Variants in SH2B3 observed in about 807,000 individuals in gnomAD.
The protein encoded by SH2B3 is SH2B adaptor protein 3.
Under a neutral mutation model 51.9 loss-of-function variants are expected in SH2B3, and 43 were observed. The ratio of observed to expected loss-of-function variants is 0.83; its 90% CI spans 0.65 to 1.07. The LOEUF (loss-of-function observed/expected upper bound fraction) is 1.07, where lower values mean the gene tolerates loss of function less well. SH2B3 is among the 50% of genes least tolerant of loss of function. The pLI is 0.00. For missense variants in SH2B3, 952 were observed against 834.3 expected (o/e 1.14, Z -1.74); for synonymous variants, 396 against 376.0 (o/e 1.05, Z -0.62).
intron 2 of SH2B3, among the ~76,000 whole-genome samples, chr12:111,441,300 C>T (rs773868137): frequency 1.3e-5 from 2 of 151,052 alleles, no homozygotes; most frequent in Non-Finnish European, 3.0e-5. Context: ...CTCACTTGAG[C>T]CCCCAGGAGT....
At position 111,429,494 on chromosome 12, in the gene SH2B3, G is replaced by A. The variant is rs1002088724; in HGVS notation, c.732+10617G>A. 6.6e-6 allele frequency among the ~76,000 whole-genome samples: 1 copy of A among 152,084 alleles called. No homozygotes were observed. The highest frequency in any genetic ancestry group is 1.5e-5 in the Non-Finnish European group (1 of 68,016). On this transcript the variant is annotated intron_variant, in intron 2 of 7. Coordinates refer to ENST00000341259, the MANE Select transcript of SH2B3 (RefSeq NM_005475.3). This position sits in a 1 kb window ranked among gnomAD's most constrained non-coding sequence, Gnocchi z 4.4. ...TTACAGGCGCCCACCACCACACTCC[G>A]CTAATTTTTCTGTATTATTAGTAGA...
In SH2B3 at chr12:111,418,639, C is replaced by T. The variant is rs7963692; in HGVS notation, c.494C>T (p.Thr165Ile). ...PAAHTAAAPG[T>I]PGEAAETPAR... The stretch of plus-strand genomic sequence containing the variant: ...GCCCACACCGCTGCCGCCCCCGGGA[C>T]CCCCGGAGAGGCTGCTGAGACCCCC... The change falls in exon 2 of 8, where the codon ACC becomes ATC. Residue 165 changes from threonine to isoleucine, a missense_variant. Coordinates refer to ENST00000341259, the MANE Select transcript of SH2B3 (RefSeq NM_005475.3). The surrounding 1 kb of genome is among the most constrained non-coding windows in gnomAD (Gnocchi z 6.7). 6.8e-7 allele frequency: 1 copy of T among 1,475,220 alleles called. No individual in the cohort carries two copies. The highest frequency in any genetic ancestry group is 1.3e-5 in the South Asian group (1 of 77,310). 91.4% of individuals were successfully genotyped at this position (1,475,220 alleles called of 1,614,324 possible).
In SH2B3 at chr12:111,447,132, A is replaced by G; in HGVS notation, c.934A>G (p.Ser312Gly). Residue 312 changes from serine to glycine, a missense_variant, in exon 5 of 8, where the codon AGC (serine) becomes GGC (glycine). Transcript: ENST00000341259. ...LSECTGRGLE[S>G]TEAEMHIPSA... ...CAGCCTCTTCTCCAGCAGGCTGGAG[A>G]GCACAGAAGCAGAGATGCATATTCC... 1 of 1,613,638 alleles carries G rather than the reference A, an allele frequency of 6.2e-7. No individual in the cohort carries two copies. The highest frequency in any genetic ancestry group is 8.5e-7 in the Non-Finnish European group (1 of 1,179,656).
At chr12:111,428,974 G>A (rs1040890097) in intron 2 of SH2B3, among the ~76,000 whole-genome samples, 2 of 151,628 alleles carry the variant, frequency 1.3e-5, no homozygotes, top group Non-Finnish European at 2.9e-5. Context: ...AGAAAGGGAC[G>A]TCCGCCGGAG....
chr12:111,419,563 G>A (rs774051330), intron 2 of SH2B3, among the ~76,000 whole-genome samples: 1 of 152,064 alleles, frequency 6.6e-6, no homozygotes, highest in Non-Finnish European at 1.5e-5. Context: ...ACTTGAACCT[G>A]GGAGGGAAAG....
Position 111,447,016 on chromosome 12 carries a change from G to C in SH2B3, c.909G>C (p.Ser303=). The change falls in exon 4 of 8, where the codon TCG becomes TCC. Residue 303 remains serine, a synonymous_variant. Coordinates refer to ENST00000341259, the MANE Select transcript of SH2B3 (RefSeq NM_005475.3). The part of the protein sequence containing the change: ...QQLNSWMAEL[S]ECTGRGLEST... The stretch of plus-strand genomic sequence containing the variant: ...TGAATTCATGGATGGCTGAGCTCTC[G>C]GAGTGCACAGGCCGAGGGTGAGGTC... The C allele has an allele frequency of 1.2e-6, 2 of 1,613,926 alleles. No homozygotes were observed. Among genetic ancestry groups the C allele is most frequent in the East Asian group, 2.2e-5 (1 of 44,862 alleles).
chr12:111,432,162 G>A lies in SH2B3; in HGVS notation c.732+13285G>A, dbSNP rs547978024. 4.9e-5 allele frequency among the ~76,000 whole-genome samples: 7 copies of A among 144,038 alleles called. No homozygotes were observed. The East Asian group carries it at 6.0e-4, about 12-fold the overall frequency. The allele number at this position is 144,038 out of a possible 152,430, so 94.5% of individuals were successfully genotyped here. A position where few individuals can be genotyped will look rare whatever the true frequency, so the allele number is the denominator to read the frequency against. On this transcript the variant is annotated intron_variant, in intron 2 of 7. Coordinates refer to ENST00000341259, the MANE Select transcript of SH2B3 (RefSeq NM_005475.3). The stretch of plus-strand genomic sequence containing the variant: ...CACCTCCTAGGTTCAAGCGATTCTC[G>A]TGCCTCAGGCTCCCGAGTAGCCAGG...
At chr12:111,413,457 C>G (rs1191588515) in intron 1 of SH2B3, among the ~76,000 whole-genome samples, 1 of 152,156 alleles carries the variant, frequency 6.6e-6, no homozygotes, top group Admixed American at 6.5e-5. Context: ...TGCCATTGTT[C>G]TTATGGGAGG....
In SH2B3 at chr12:111,449,427, A is replaced by G. The variant is rs1183200521; in HGVS notation, c.*1125A>G. On this transcript the variant is annotated 3_prime_UTR_variant, in exon 8 of 8. Transcript: ENST00000341259. ...AATCTGGTGCCATAACTAATGAGAA[A>G]CTCCTTTAATAGCCCACAATCAGTG... The G allele has an allele frequency of 1.3e-5, 2 of 151,660 alleles. No homozygotes were observed. Among genetic ancestry groups the G allele is most frequent in the African/African-American group, 4.8e-5 (2 of 41,244 alleles). The allele number at this position is 151,660 out of a possible 1,614,324, so 9.4% of individuals were successfully genotyped here. A position where few individuals can be genotyped will look rare whatever the true frequency, so the allele number is the denominator to read the frequency against.
intron 2 of SH2B3, chr12:111,444,993 G>A (rs981171068): frequency 4.2e-6 from 2 of 476,672 alleles, no homozygotes; most frequent in Non-Finnish European, 5.5e-6. Context: ...CAGCAGGCAG[G>A]TGGCAGCCAG....
chr12:111,439,688 A>C (rs1873227323), intron 2 of SH2B3, among the ~76,000 whole-genome samples: 1 of 152,182 alleles, frequency 6.6e-6, no homozygotes, highest in South Asian at 2.1e-4. Flanking sequence ...AGCCTCCTGT[A>C]GCTGCAGGGG....
intron 2 of SH2B3, among the ~76,000 whole-genome samples, chr12:111,430,641 G>C (rs1872398560): frequency 6.6e-6 from 1 of 152,182 alleles, no homozygotes; most frequent in African/African-American, 2.4e-5. Context: ...AGATGGACAG[G>C]GTCAGGTTCA....
In SH2B3 at chr12:111,435,927, C is replaced by T. The variant is rs1353002740; in HGVS notation, c.733-10826C>T. 6.6e-6 allele frequency among the ~76,000 whole-genome samples: 1 copy of T among 152,172 alleles called. No homozygotes were observed. The highest frequency in any genetic ancestry group is 1.5e-5 in the Non-Finnish European group (1 of 68,014). ...GCGTGGGCTGACGGCAGCTGGCATG[C>T]AGCAGGGGAGGTGTGCTGGGACCAG... On this transcript the variant is annotated intron_variant, in intron 2 of 7. Coordinates refer to ENST00000341259, the MANE Select transcript of SH2B3 (RefSeq NM_005475.3). The surrounding 1 kb of genome is among the most constrained non-coding windows in gnomAD (Gnocchi z 4.8).
intron 2 of SH2B3, among the ~76,000 whole-genome samples, chr12:111,433,253 A>G (rs1302420301): frequency 6.6e-6 from 1 of 152,164 alleles, no homozygotes; most frequent in Non-Finnish European, 1.5e-5. Flanking sequence ...CAGGAGGCTG[A>G]GGCAGAAGAA....
intron 2 of SH2B3, among the ~76,000 whole-genome samples, chr12:111,431,694 C>T (rs1872507258): frequency 6.6e-6 from 1 of 152,132 alleles, no homozygotes; most frequent in South Asian, 2.1e-4. Flanking sequence ...GTGATCTTCC[C>T]ACCTTAGCCT....
chr12:111,436,171 C>T (rs746648563), intron 2 of SH2B3, among the ~76,000 whole-genome samples: 9 of 152,106 alleles, frequency 5.9e-5, no homozygotes, highest in Non-Finnish European at 1.3e-4. Context: ...GAGAGCCCAG[C>T]GGTTTGGCCA....
chr12:111,444,612 T>C (rs899461933), intron 2 of SH2B3: 8 of 319,910 alleles, frequency 2.5e-5, no homozygotes, highest in African/African-American at 1.5e-4. Flanking sequence ...ATAGCGGGCA[T>C]GTGAGAGGAG....
At chr12:111,426,617 T>G (rs1055222935) in intron 2 of SH2B3, among the ~76,000 whole-genome samples, 1 of 152,154 alleles carries the variant, frequency 6.6e-6, no homozygotes, top group Non-Finnish European at 1.5e-5. Flanking sequence ...TGAGGGCCCC[T>G]TCTGAGCCCT....
In SH2B3 at chr12:111,410,055, C is replaced by T. The variant is rs575071206; in HGVS notation, c.-28+3778C>T. ...GGGGCCCACCCGGATGTGGCTACCC[C>T]CCGGCTGGCCAGTGGGGAGCCGGCT... On this transcript the variant is annotated intron_variant, in intron 1 of 7. Transcript: ENST00000341259. The surrounding 1 kb of genome is among the most constrained non-coding windows in gnomAD (Gnocchi z 4.9). Among the ~76,000 whole-genome samples, 11 of 152,206 alleles carry T rather than the reference C, an allele frequency of 7.2e-5. No individual in the cohort carries two copies. The highest frequency in any genetic ancestry group is 1.9e-4 in the African/African-American group (8 of 41,456).
Sources: allele counts gnomAD v4.1 joint callset (sites outside exome capture counted in the v4.1 genomes callset), GRCh38; gene constraint gnomAD v4.1.1; non-coding constraint Gnocchi (gnomAD v3.1); transcripts MANE v1.5; gene names NCBI Gene and HGNC (gene_info 2026-07-23, HGNC 2026-07-21).